Variants in KALRN observed in about 807,000 individuals in gnomAD.
KALRN encodes the protein kalirin.
KALRN carries 70 observed loss-of-function variants against 353.7 expected under a neutral mutation model. The ratio of observed to expected loss-of-function variants is 0.20; its 90% CI spans 0.16 to 0.24. The LOEUF is 0.24. Ranked by LOEUF, KALRN falls within the 10% of genes least tolerant of loss-of-function variation. The probability of loss-of-function intolerance (pLI) is 1.00; values close to 1 mark genes in which losing one functional copy is unlikely to be tolerated. For synonymous variants in KALRN, 1,391 were observed against 1,434.8 expected (o/e 0.97, Z 0.69); for missense variants, 2,791 against 3,756.7 (o/e 0.74, Z 6.72).
intron 34 of KALRN, among the ~76,000 whole-genome samples, chr3:124,566,366 G>A (rs2072830720): frequency 6.6e-6 from 1 of 152,052 alleles, no homozygotes; most frequent in Non-Finnish European, 1.5e-5. Context: ...AGCCAGGTGG[G>A]GTGGTGTGCA....
intron 34 of KALRN, among the ~76,000 whole-genome samples, chr3:124,570,415 C>T (rs1416113987): frequency 2.0e-5 from 3 of 152,180 alleles, no homozygotes; most frequent in Non-Finnish European, 4.4e-5. Context: ...AGATTCAGAA[C>T]TCACTTCCTC....
intron 34 of KALRN, among the ~76,000 whole-genome samples, chr3:124,593,291 T>G (rs1284768951): frequency 6.6e-6 from 1 of 152,208 alleles, no homozygotes; most frequent in African/African-American, 2.4e-5. Flanking sequence ...TTCTCTTCTT[T>G]GTCTGCCTAC....
At chr3:124,592,314 A>C (rs1238200751) in intron 34 of KALRN, among the ~76,000 whole-genome samples, 2 of 107,964 alleles carry the variant, frequency 1.9e-5, no homozygotes, top group Non-Finnish European at 4.4e-5. Flanking sequence ...AGAAACAAAA[A>C]AAAAAAAAAA....
At chr3:124,231,170 G>T (rs542133381) in intron 2 of KALRN, among the ~76,000 whole-genome samples, 1 of 152,312 alleles carries the variant, frequency 6.6e-6, no homozygotes, top group African/African-American at 2.4e-5. Flanking sequence ...CTGCATGTGG[G>T]CGTGTGCATG....
At chr3:124,150,579 A>G (rs1479874772) in intron 1 of KALRN, among the ~76,000 whole-genome samples, 1 of 152,232 alleles carries the variant, frequency 6.6e-6, no homozygotes, top group Non-Finnish European at 1.5e-5. Context: ...AATCGGGATA[A>G]TTAGAAGCTA....
chr3:124,409,357 A>C (rs1375994549), intron 13 of KALRN, among the ~76,000 whole-genome samples: 1 of 152,230 alleles, frequency 6.6e-6, no homozygotes, highest in African/African-American at 2.4e-5. Flanking sequence ...ACTCACTGGC[A>C]CAGGCTTTTC....
At chr3:124,612,559 ACTC>A (rs923565786) in intron 34 of KALRN, among the ~76,000 whole-genome samples, 2 of 151,406 alleles carry the variant, frequency 1.3e-5, no homozygotes, top group African/African-American at 4.9e-5. Context: ...CTGGTCTTGA[ACTC>A]CTCACCTCAG....
intron 5 of KALRN, among the ~76,000 whole-genome samples, chr3:124,273,845 C>T (rs149371672): frequency 1.3e-4 from 20 of 152,342 alleles, no homozygotes; most frequent in African/African-American, 4.6e-4. Flanking sequence ...ACTAATGGGC[C>T]TGTCCTCCAC....
chr3:124,659,346 A>G lies in KALRN; in HGVS notation c.6124-19A>G, dbSNP rs2084517702. On this transcript the variant is annotated intron_variant, in intron 42 of 59. Coordinates refer to ENST00000682506, the MANE Select transcript of KALRN (RefSeq NM_001388419.1). ...TTCTTCAGTTCCTTTTTCTTCTAAT[A>G]TTGCTGCCTGTGTTTCAGGAGGTAA... 2 of 1,570,418 alleles carry G rather than the reference A, an allele frequency of 1.3e-6. No homozygotes were observed. Among genetic ancestry groups the G allele is most frequent in the South Asian group, 2.2e-5 (2 of 90,222 alleles).
chr3:124,514,804 A>T (rs641189), intron 33 of KALRN, among the ~76,000 whole-genome samples: 7 of 151,978 alleles, frequency 4.6e-5, no homozygotes, highest in Admixed American at 2.6e-4. Flanking sequence ...TATAAATTCT[A>T]TCAGTTCCCT....
chr3:124,678,288 T>A lies in KALRN; in HGVS notation c.7292T>A (p.Ile2431Asn), dbSNP rs1275428141. ...ACAGGGCCTCGTAAACCCAAGGATA[T>A]TCTGGGCAACAAAGTCTCTGTTAAA... ...EATGPRKPKD[I>N]LGNKVSVKET... is the part of the protein sequence containing the mutation. The change falls in exon 50 of 60, where the codon ATT (isoleucine) becomes AAT (asparagine). Residue 2431 changes from isoleucine to asparagine, a missense_variant. Transcript: ENST00000682506. 1 of 1,613,970 alleles carries A rather than the reference T, an allele frequency of 6.2e-7. No homozygotes were observed. The highest frequency in any genetic ancestry group is 1.7e-5 in the Admixed American group (1 of 60,006).
chr3:124,445,248 C>T (rs539843975), intron 19 of KALRN, among the ~76,000 whole-genome samples: 3 of 152,224 alleles, frequency 2.0e-5, no homozygotes, highest in South Asian at 4.2e-4. Context: ...GAGTGTCTTC[C>T]ACATACTGAG....
At chr3:124,519,914 C>T (rs1488405941) in intron 33 of KALRN, 2 of 980,842 alleles carry the variant, frequency 2.0e-6, no homozygotes, top group Non-Finnish European at 2.4e-6. Context: ...TAATTCTCTG[C>T]CAAGAACCCT....
intron 1 of KALRN, among the ~76,000 whole-genome samples, chr3:124,221,147 C>A (rs963481792): frequency 2.0e-5 from 3 of 152,262 alleles, no homozygotes; most frequent in Non-Finnish European, 4.4e-5. Flanking sequence ...CACCCCCTAA[C>A]TCTGCTTTTC....
chr3:124,543,989 C>A (rs918986128), intron 33 of KALRN, among the ~76,000 whole-genome samples: 11 of 152,222 alleles, frequency 7.2e-5, no homozygotes, highest in Admixed American at 3.3e-4. Context: ...CTCTAGGTAC[C>A]CCAACTCTAG....
At chr3:124,128,535 C>T (rs2064937759) in intron 1 of KALRN, among the ~76,000 whole-genome samples, 1 of 152,110 alleles carries the variant, frequency 6.6e-6, no homozygotes, top group African/African-American at 2.4e-5. Context: ...ACTTCTGCCC[C>T]ATCCAGAGGG....
At chr3:124,389,042 G>A (rs889969385) in intron 11 of KALRN, among the ~76,000 whole-genome samples, 4 of 152,160 alleles carry the variant, frequency 2.6e-5, no homozygotes, top group Admixed American at 2.6e-4. Flanking sequence ...GTGAATAGAA[G>A]GAAAATCTGC....
At chr3:124,491,459 T>C (rs1475871087) in intron 31 of KALRN, 35 bp downstream of exon 31, 3 of 1,473,694 alleles carry the variant, frequency 2.0e-6, no homozygotes, top group African/African-American at 2.8e-5. Flanking sequence ...CAAACTAGGG[T>C]TGGGGATAAT....
At position 124,387,378 on chromosome 3, in the gene KALRN, C is replaced by G. The variant is rs189745289; in HGVS notation, c.1962+2342C>G. On this transcript the variant is annotated intron_variant, in intron 11 of 59. Coordinates refer to ENST00000682506, the MANE Select transcript of KALRN (RefSeq NM_001388419.1). ...AGAACTGAAATTTATTTAGCACAAA[C>G]CATGTGCTAGGCTATCTGGCTATCT... is the stretch of plus-strand genomic sequence containing the variant. Among the ~76,000 whole-genome samples the G allele has an allele frequency of 3.7e-3, 567 of 152,328 alleles. 2 individuals are homozygous for G. Among genetic ancestry groups the G allele is most frequent in the Non-Finnish European group, 5.0e-3 (341 of 68,036 alleles).
Sources: allele counts gnomAD v4.1 joint callset (sites outside exome capture counted in the v4.1 genomes callset), GRCh38; gene constraint gnomAD v4.1.1; transcripts MANE v1.5; gene names NCBI Gene and HGNC (gene_info 2026-07-23, HGNC 2026-07-21).